Variants in GDAP2 observed in about 807,000 individuals in gnomAD.
GDAP2 encodes the protein ganglioside-induced differentiation-associated protein 2.
In GDAP2, 51 loss-of-function variants were observed where a neutral mutation model predicts 67.0. The ratio of observed to expected loss-of-function variants is 0.76; its 90% CI spans 0.61 to 0.96. GDAP2 has a LOEUF of 0.96. Among genes scored for constraint, GDAP2 ranks in the 40% least tolerant of loss-of-function variants. The pLI is 0.00. For synonymous variants in GDAP2, 203 were observed against 207.3 expected (o/e 0.98, Z 0.18); for missense variants, 547 against 588.3 (o/e 0.93, Z 0.73).
rs1440318092 is a variant in GDAP2 at position 117,864,183 on chromosome 1, C to T, written c.*6386G>A. 2 of 152,186 alleles carry T rather than the reference C, an allele frequency of 1.3e-5. No homozygotes were observed. Among genetic ancestry groups the T allele is most frequent in the African/African-American group, 4.8e-5 (2 of 41,426 alleles). The allele number at this position is 152,186 out of a possible 1,614,324, so 9.4% of individuals were successfully genotyped here. A position where few individuals can be genotyped will look rare whatever the true frequency, so the allele number is the denominator to read the frequency against. ...TGATGAAACATTTTAAAATAATATT[C>T]ATGCTCTGAATTATTTGGATAATTG... On this transcript the variant is annotated 3_prime_UTR_variant, in exon 14 of 14. Coordinates refer to ENST00000369443, the MANE Select transcript of GDAP2 (RefSeq NM_017686.4).
At chr1:117,923,072 A>T (rs1179991527) in intron 1 of GDAP2, among the ~76,000 whole-genome samples, 1 of 152,236 alleles carries the variant, frequency 6.6e-6, no homozygotes, top group African/African-American at 2.4e-5. Context: ...TAAGAGAAAT[A>T]TGGCTCTGTC....
intron 3 of GDAP2, among the ~76,000 whole-genome samples, chr1:117,917,125 C>T (rs992372818): frequency 1.3e-5 from 2 of 151,916 alleles, no homozygotes; most frequent in African/African-American, 4.8e-5. Flanking sequence ...TGATGTTTCC[C>T]TATCATTTTA....
intron 2 of GDAP2, 61 bp from the exon 3 acceptor site, chr1:117,918,797 T>G: frequency 1.5e-6 from 2 of 1,319,848 alleles, no homozygotes. Flanking sequence ...ACCTAGTTTC[T>G]AATTATTTCA....
chr1:117,907,339 C>T (rs1464423266), intron 5 of GDAP2, among the ~76,000 whole-genome samples: 1 of 152,170 alleles, frequency 6.6e-6, no homozygotes, highest in African/African-American at 2.4e-5. Flanking sequence ...GGTATTACCT[C>T]AAATGCTGAT....
intron 8 of GDAP2, 30 bp from the exon 9 acceptor site, chr1:117,887,804 A>C (rs778725649): frequency 8.0e-7 from 1 of 1,253,318 alleles, no homozygotes; most frequent in Admixed American, 1.8e-5. Flanking sequence ...AATCATTATA[A>C]TAAACCCTTG....
At chr1:117,903,080 T>A (rs1482991146) in intron 6 of GDAP2, among the ~76,000 whole-genome samples, 4 of 152,222 alleles carry the variant, frequency 2.6e-5, no homozygotes, top group African/African-American at 9.6e-5. Context: ...ATTGTTAGTG[T>A]GTAGAAATAC....
intron 6 of GDAP2, among the ~76,000 whole-genome samples, chr1:117,903,768 T>C (rs917200635): frequency 1.3e-5 from 2 of 152,174 alleles, no homozygotes; most frequent in Admixed American, 6.5e-5. Context: ...TGAGAATTCG[T>C]AATTTTTTAT....
chr1:117,873,104 T>C (rs1648344637), intron 13 of GDAP2, among the ~76,000 whole-genome samples: 9 of 152,154 alleles, frequency 5.9e-5, no homozygotes, highest in Admixed American at 5.9e-4. Context: ...TGCCATGAAA[T>C]AGAATTTCCA....
At chr1:117,914,151 C>T (rs911455539) in intron 3 of GDAP2, among the ~76,000 whole-genome samples, 1 of 152,120 alleles carries the variant, frequency 6.6e-6, no homozygotes, top group Admixed American at 6.6e-5. Flanking sequence ...CATCTTAAAT[C>T]CAGCTAACAC....
Position 117,921,213 on chromosome 1 carries a change from C to G in GDAP2, c.-67-789G>C, listed in dbSNP as rs1422970320. ...TTGTATTGTGTCACTGCACTCCAGCCTGGGCAACAAGAGCAAAACTCCGTC... is the reference window on the plus strand; with the variant it reads ...TTGTATTGTGTCACTGCACTCCAGCGTGGGCAACAAGAGCAAAACTCCGTC... On this transcript the variant is annotated intron_variant, in intron 1 of 13. Transcript: ENST00000369443. Among the ~76,000 whole-genome samples, 3 of 151,208 alleles carry G rather than the reference C, an allele frequency of 2.0e-5. No homozygotes were observed. The East Asian group carries it at 5.8e-4, about 29-fold the overall frequency.
At chr1:117,873,414 C>CTT (rs555654267) in intron 13 of GDAP2, among the ~76,000 whole-genome samples, 1 of 145,262 alleles carries the variant, frequency 6.9e-6, no homozygotes, top group African/African-American at 2.5e-5. Context: ...ACTTGGGTTT[C>CTT]TTTTTTTTTT....
rs894111494 is a variant in GDAP2 at position 117,867,105 on chromosome 1, T to C, written c.*3464A>G. On this transcript the variant is annotated 3_prime_UTR_variant, in exon 14 of 14. Transcript: ENST00000369443. The stretch of plus-strand genomic sequence containing the variant: ...TCGGGGAAATACAAAGAGTGATCTT[T>C]AGTTTATGCTGAATACTTAATTTTA... 2 of 152,162 alleles carry C rather than the reference T, an allele frequency of 1.3e-5. No individual in the cohort carries two copies. Among genetic ancestry groups the C allele is most frequent in the Non-Finnish European group, 2.9e-5 (2 of 68,024 alleles). The allele number at this position is 152,162 out of a possible 1,614,324, so 9.4% of individuals were successfully genotyped here.
intron 5 of GDAP2, among the ~76,000 whole-genome samples, chr1:117,909,034 A>G (rs1475774545): frequency 1.3e-5 from 2 of 152,106 alleles, no homozygotes; most frequent in Non-Finnish European, 2.9e-5. Context: ...AGCAGTGAAG[A>G]AGACTAATGT....
At chr1:117,888,656 T>G (rs1000423082) in intron 8 of GDAP2, among the ~76,000 whole-genome samples, 2 of 152,098 alleles carry the variant, frequency 1.3e-5, no homozygotes, top group Non-Finnish European at 1.5e-5. Flanking sequence ...CACCTAAATG[T>G]AGGAAAAGCA....
chr1:117,903,945 G>A (rs767045669), intron 6 of GDAP2, among the ~76,000 whole-genome samples: 7 of 150,944 alleles, frequency 4.6e-5, no homozygotes, highest in Admixed American at 6.6e-5. Flanking sequence ...AATATTCTAG[G>A]TTATCTTTCT....
At chr1:117,900,637 G>A (rs573464068) in intron 6 of GDAP2, among the ~76,000 whole-genome samples, 226 of 151,922 alleles carry the variant, frequency 1.5e-3, no homozygotes, top group African/African-American at 5.3e-3. Flanking sequence ...GTGGTGGCGC[G>A]TGCCTATAGT....
At chr1:117,906,623 T>A (rs892085984) in intron 5 of GDAP2, 41 bp from the exon 6 acceptor site, 1 of 1,043,248 alleles carries the variant, frequency 9.6e-7, no homozygotes, top group East Asian at 2.4e-5. Flanking sequence ...AAATAAAAAA[T>A]TACTTATACA....
chr1:117,924,319 T>C (rs560352527), intron 1 of GDAP2, among the ~76,000 whole-genome samples: 1 of 152,316 alleles, frequency 6.6e-6, no homozygotes, highest in Non-Finnish European at 1.5e-5. Flanking sequence ...GTGTCTGTTG[T>C]TCCCTTCTTT....
intron 13 of GDAP2, among the ~76,000 whole-genome samples, chr1:117,876,273 T>C (rs929706780): frequency 1.3e-5 from 2 of 152,064 alleles, no homozygotes; most frequent in African/African-American, 4.8e-5. Flanking sequence ...GGCACCTCCC[T>C]TCCCTCTCTC....
Sources: allele counts gnomAD v4.1 joint callset (sites outside exome capture counted in the v4.1 genomes callset), GRCh38; gene constraint gnomAD v4.1.1; transcripts MANE v1.5; gene names NCBI Gene and HGNC (gene_info 2026-07-23, HGNC 2026-07-21).